The following ADARB2 variants were observed in gnomAD, a reference collection of about 807,000 sequenced individuals.
ADARB2 encodes inactive double-stranded RNA-specific editase B2.
A neutral mutation model predicts 62.2 loss-of-function variants in ADARB2; 25 were observed. The ratio of observed to expected loss-of-function variants is 0.40; its 90% CI spans 0.29 to 0.56. The LOEUF is 0.56. ADARB2 is among the 20% of genes least tolerant of loss of function. The probability of loss-of-function intolerance (pLI) is 0.43; values close to 1 mark genes in which losing one functional copy is unlikely to be tolerated. For missense variants in ADARB2, 1,071 were observed against 1,077.4 expected, an observed-to-expected ratio of 0.99 and a Z score of 0.08; for synonymous variants, 572 against 500.8, an observed-to-expected ratio of 1.14 and a Z score of -1.90.
At chr10:1,346,501 T>C (rs1832082447) in intron 3 of ADARB2, among the ~76,000 whole-genome samples, 1 of 152,232 alleles carries the variant, frequency 6.6e-6, no homozygotes, top group Admixed American at 6.5e-5. Context: ...GCTTTCAGTG[T>C]TACTGAGTCT....
intron 1 of ADARB2, among the ~76,000 whole-genome samples, chr10:1,575,215 G>A (rs1035511396): frequency 1.3e-5 from 2 of 151,134 alleles, no homozygotes; most frequent in Admixed American, 1.3e-4. Context: ...TGGATTTTAT[G>A]AACAGAGCAA....
chr10:1,220,694 C>T (rs1057218571), intron 6 of ADARB2, among the ~76,000 whole-genome samples: 29 of 152,232 alleles, frequency 1.9e-4, no homozygotes, highest in Middle Eastern at 3.4e-3. Context: ...TTATATTCTC[C>T]CAACGTTTTA....
At chr10:1,711,902 G>GAATTTCATAC (rs1215479265) in intron 1 of ADARB2, among the ~76,000 whole-genome samples, 1 of 152,082 alleles carries the variant, frequency 6.6e-6, no homozygotes, top group Non-Finnish European at 1.5e-5. Context: ...ATACAACTCT[G>GAATTTCATAC]AACCATGCTA....
chr10:1,229,867 T>G (rs991334152), intron 6 of ADARB2, among the ~76,000 whole-genome samples: 14 of 151,956 alleles, frequency 9.2e-5, no homozygotes, highest in South Asian at 4.2e-4. Flanking sequence ...TGTGTGTGTG[T>G]GGGTATATAT....
chr10:1,488,114 A>G (rs1295246164), intron 1 of ADARB2, among the ~76,000 whole-genome samples: 3 of 152,184 alleles, frequency 2.0e-5, no homozygotes, highest in Non-Finnish European at 2.9e-5. Context: ...CTTTTTATGT[A>G]TTAAAATCTC....
chr10:1,472,489 C>G (rs935222965), intron 1 of ADARB2, among the ~76,000 whole-genome samples: 3 of 152,110 alleles, frequency 2.0e-5, no homozygotes, highest in Admixed American at 2.0e-4. Context: ...GGGGGTGTAC[C>G]CAAGTGGACA....
At chr10:1,183,889 T>A (rs1836714400) in intron 9 of ADARB2, among the ~76,000 whole-genome samples, 1 of 151,930 alleles carries the variant, frequency 6.6e-6, no homozygotes, top group South Asian at 2.1e-4. Flanking sequence ...ATGGGGGAGC[T>A]CCAAATCCCA....
At chr10:1,444,384 T>C (rs1830941126) in intron 1 of ADARB2, among the ~76,000 whole-genome samples, 1 of 142,138 alleles carries the variant, frequency 7.0e-6, no homozygotes, top group African/African-American at 2.7e-5. Context: ...CCATTCACCA[T>C]CCATCTATCT....
intron 6 of ADARB2, among the ~76,000 whole-genome samples, chr10:1,219,563 C>T (rs1009474784): frequency 5.9e-5 from 9 of 152,170 alleles, no homozygotes; most frequent in East Asian, 1.9e-4. Flanking sequence ...GAAAAAAGAG[C>T]GAATGAGAGG....
intron 3 of ADARB2, among the ~76,000 whole-genome samples, chr10:1,320,707 G>T (rs1319991663): frequency 1.3e-5 from 2 of 152,156 alleles, no homozygotes; most frequent in Admixed American, 1.3e-4. Flanking sequence ...TCAGTCTGTT[G>T]GTCCTATTTT....
rs529629028 is a variant in ADARB2 at position 1,373,032 on chromosome 10, A to C, written c.187+6042T>G. On this transcript the variant is annotated intron_variant, in intron 2 of 9. Transcript: ENST00000381312. ...AACCATCCCATGCTCATGGAATAGA[A>C]GAATCAATATTACTAAAATGTCCAT... Among the ~76,000 whole-genome samples the C allele has an allele frequency of 2.0e-5, 3 of 152,362 alleles. No homozygotes were observed. In the East Asian group the frequency reaches 5.8e-4, roughly 29 times the overall value.
chr10:1,607,067 A>G (rs1435815413), intron 1 of ADARB2, among the ~76,000 whole-genome samples: 1 of 152,250 alleles, frequency 6.6e-6, no homozygotes. Flanking sequence ...ACAGGTAACA[A>G]TATACACGTT....
At chr10:1,442,440 AG>A (rs1364284732) in intron 1 of ADARB2, among the ~76,000 whole-genome samples, 1 of 152,218 alleles carries the variant, frequency 6.6e-6, no homozygotes, top group African/African-American at 2.4e-5. Flanking sequence ...CTCAAACCAC[AG>A]GCCTGCTAGA....
intron 1 of ADARB2, among the ~76,000 whole-genome samples, chr10:1,544,209 A>C (rs965208295): frequency 2.6e-5 from 4 of 152,150 alleles, no homozygotes; most frequent in African/African-American, 9.7e-5. Context: ...CTGGGAGGGC[A>C]GTGGGATGAG....
At chr10:1,516,150 C>A (rs190635186) in intron 1 of ADARB2, among the ~76,000 whole-genome samples, 1 of 152,206 alleles carries the variant, frequency 6.6e-6, no homozygotes, top group Non-Finnish European at 1.5e-5. Flanking sequence ...GGTGCTCTGA[C>A]CCTCTGGCAG....
At chr10:1,312,655 C>A (rs909923233) in intron 3 of ADARB2, among the ~76,000 whole-genome samples, 2 of 152,216 alleles carry the variant, frequency 1.3e-5, no homozygotes, top group African/African-American at 4.8e-5. Context: ...CCACGTTTCC[C>A]ATTTAGAGGG....
intron 1 of ADARB2, among the ~76,000 whole-genome samples, chr10:1,511,480 T>G (rs571938794): frequency 3.3e-5 from 5 of 151,762 alleles, no homozygotes; most frequent in Non-Finnish European, 2.9e-5. Context: ...GTCAACGAGG[T>G]AGGGATTCCT....
At chr10:1,559,100 T>C (rs1389003733) in intron 1 of ADARB2, among the ~76,000 whole-genome samples, 1 of 152,194 alleles carries the variant, frequency 6.6e-6, no homozygotes, top group Non-Finnish European at 1.5e-5. Context: ...TTTAAGACAC[T>C]GATGCACTTC....
intron 2 of ADARB2, among the ~76,000 whole-genome samples, chr10:1,375,999 G>A (rs1452073888): frequency 2.7e-5 from 4 of 149,658 alleles, no homozygotes; most frequent in Non-Finnish European, 5.9e-5. Context: ...ACACGCACAT[G>A]ACACATATAC....
Sources: allele counts gnomAD v4.1 joint callset (sites outside exome capture counted in the v4.1 genomes callset), GRCh38; gene constraint gnomAD v4.1.1; transcripts MANE v1.5; gene names NCBI Gene and HGNC (gene_info 2026-07-23, HGNC 2026-07-21).